NFATC3: variants seen among roughly 807,000 people sequenced by gnomAD.
NFATC3 encodes the protein nuclear factor of activated T cells 3.
NFATC3 carries 46 observed loss-of-function variants against 98.6 expected under a neutral mutation model. That is an observed-to-expected ratio of 0.47 (90% confidence interval 0.37 to 0.60). The LOEUF is 0.60. Ranked by LOEUF, NFATC3 falls within the 20% of genes least tolerant of loss-of-function variation. The pLI is 0.00. For missense variants in NFATC3, 1,256 were observed against 1,295.5 expected (o/e 0.97, Z 0.47); for synonymous variants, 512 against 472.2 (o/e 1.08, Z -1.09).
intron 6 of NFATC3, among the ~76,000 whole-genome samples, chr16:68,176,032 G>A (rs997886339): frequency 3.3e-5 from 5 of 151,674 alleles, no homozygotes; most frequent in African/African-American, 1.2e-4. Flanking sequence ...CGGCTGGAGT[G>A]CGGTGGCACT....
chr16:68,189,472 T>C (rs1598547208), intron 8 of NFATC3: 1 of 188,144 alleles, frequency 5.3e-6, no homozygotes, highest in East Asian at 1.2e-4. Flanking sequence ...CCATGTGTAT[T>C]TTAGAATGAG....
intron 8 of NFATC3, chr16:68,189,360 T>G (rs2040342784): frequency 4.7e-6 from 1 of 213,600 alleles, no homozygotes; most frequent in Non-Finnish European, 9.9e-6. Flanking sequence ...AATCAATGCC[T>G]TATTTATTCC....
intron 4 of NFATC3, 136 bp from the exon 5 acceptor site, chr16:68,166,707 C>T: frequency 1.5e-6 from 1 of 652,002 alleles, no homozygotes; most frequent in Non-Finnish European, 2.5e-6. Context: ...CAGTGAATAG[C>T]AATCATACAT....
At chr16:68,093,519 G>C (rs1024689707) in intron 1 of NFATC3, among the ~76,000 whole-genome samples, 5 of 152,080 alleles carry the variant, frequency 3.3e-5, no homozygotes, top group Non-Finnish European at 5.9e-5. Context: ...TTAAAAACAA[G>C]AACAACAACA....
At chr16:68,157,544 C>G (rs2038683155) in intron 3 of NFATC3, among the ~76,000 whole-genome samples, 1 of 151,950 alleles carries the variant, frequency 6.6e-6, no homozygotes, top group African/African-American at 2.4e-5. Context: ...TTAATGTTGC[C>G]CAGAGTACAG....
At position 68,107,918 on chromosome 16, in the gene NFATC3, A is replaced by AT. The variant is rs775874851; in HGVS notation, c.104-14055dup. ...TGCCTACTTTTTAATGGGGTGGTTT[A>AT]TTTTTTTTTTTTTTGTAAATTTATT... On this transcript the variant is annotated intron_variant, in intron 1 of 9. Coordinates refer to ENST00000346183, the MANE Select transcript of NFATC3 (RefSeq NM_173165.3). Among the ~76,000 whole-genome samples the AT allele has an allele frequency of 4.7e-3, 607 of 128,780 alleles. 5 individuals are homozygous for AT. The highest frequency in any genetic ancestry group is 0.017 in the South Asian group (69 of 4,078). The allele number at this position is 128,780 out of a possible 152,430, so 84.5% of individuals were successfully genotyped here.
At chr16:68,132,087 C>T (rs2037142290) in intron 3 of NFATC3, among the ~76,000 whole-genome samples, 1 of 152,082 alleles carries the variant, frequency 6.6e-6, no homozygotes, top group African/African-American at 2.4e-5. Flanking sequence ...TTATTTTTCT[C>T]TCAATATTAG....
chr16:68,187,828 G>A (rs985616121), intron 8 of NFATC3, among the ~76,000 whole-genome samples: 2 of 152,166 alleles, frequency 1.3e-5, no homozygotes, highest in African/African-American at 4.8e-5. Flanking sequence ...TTCGCACTCT[G>A]GTCTGTGGGA....
At chr16:68,101,616 T>A (rs1433165756) in intron 1 of NFATC3, among the ~76,000 whole-genome samples, 3 of 152,034 alleles carry the variant, frequency 2.0e-5, no homozygotes, top group Non-Finnish European at 4.4e-5. Context: ...CCCAAGTAGC[T>A]GGGACTACAG....
chr16:68,108,516 C>G (rs2035785351), intron 1 of NFATC3, among the ~76,000 whole-genome samples: 2 of 152,142 alleles, frequency 1.3e-5, no homozygotes, highest in African/African-American at 4.8e-5. Context: ...AACGTGATGC[C>G]TCTAGCTGTG....
intron 3 of NFATC3, among the ~76,000 whole-genome samples, chr16:68,145,332 G>A (rs958567244): frequency 2.6e-5 from 4 of 151,812 alleles, no homozygotes; most frequent in African/African-American, 9.7e-5. Context: ...TTGTAGAGAT[G>A]GGGTTTCACC....
chr16:68,126,886 G>A lies in NFATC3; in HGVS notation c.1401+276G>A, dbSNP rs925337096. 2.0e-5 allele frequency among the ~76,000 whole-genome samples: 3 copies of A among 152,108 alleles called. No individual in the cohort carries two copies. The South Asian group carries it at 6.2e-4, about 32-fold the overall frequency. ...GTTTTTCTGACAAACAAATATGGCC[G>A]TATTATATTTATGAATAAAATATAT... is the stretch of plus-strand genomic sequence containing the variant. On this transcript the variant is annotated intron_variant, in intron 3 of 9. Coordinates refer to ENST00000346183, the MANE Select transcript of NFATC3 (RefSeq NM_173165.3).
At chr16:68,094,845 C>T (rs988872242) in intron 1 of NFATC3, among the ~76,000 whole-genome samples, 14 of 152,258 alleles carry the variant, frequency 9.2e-5, no homozygotes, top group African/African-American at 2.6e-4. Flanking sequence ...GAATGAGACA[C>T]GGATGCTGGC....
chr16:68,128,810 T>C (rs998939744), intron 3 of NFATC3, among the ~76,000 whole-genome samples: 9 of 150,054 alleles, frequency 6.0e-5, no homozygotes, highest in Admixed American at 3.3e-4. Context: ...GGGCAACATG[T>C]CTCTTTAAAA....
At chr16:68,196,265 G>A (rs1347197793) in intron 9 of NFATC3, among the ~76,000 whole-genome samples, 2 of 151,896 alleles carry the variant, frequency 1.3e-5, no homozygotes, top group African/African-American at 2.4e-5. Flanking sequence ...GACTACAGGC[G>A]TGTACCACCA....
chr16:68,185,087 A>C lies in NFATC3; in HGVS notation c.2098+1721A>C, dbSNP rs1486503580. Among the ~76,000 whole-genome samples, 3 of 151,456 alleles carry C rather than the reference A, an allele frequency of 2.0e-5. No homozygotes were observed. The East Asian group carries it at 5.9e-4, about 30-fold the overall frequency. Reference sequence around the variant, plus strand: ...ACCTCCGCCTCCAGGGTTCAAGTTCATATGATTTTCCTGCCTCAGCCTCCC... The same window carrying C: ...ACCTCCGCCTCCAGGGTTCAAGTTCCTATGATTTTCCTGCCTCAGCCTCCC... On this transcript the variant is annotated intron_variant, in intron 8 of 9. Transcript: ENST00000346183.
At chr16:68,225,758 C>G (rs1291697516) in intron 9 of NFATC3, 1 of 152,164 alleles carries the variant, frequency 6.6e-6, no homozygotes, top group African/African-American at 2.4e-5. Flanking sequence ...TTGGGATGTT[C>G]CCTTCTATGT....
chr16:68,109,783 T>G (rs990781279), intron 1 of NFATC3, among the ~76,000 whole-genome samples: 3 of 152,172 alleles, frequency 2.0e-5, no homozygotes, highest in Non-Finnish European at 2.9e-5. Context: ...GTATTCAGCT[T>G]CTTTCTGGTT....
At chr16:68,138,281 G>A (rs919197319) in intron 3 of NFATC3, among the ~76,000 whole-genome samples, 1 of 149,236 alleles carries the variant, frequency 6.7e-6, no homozygotes, top group African/African-American at 2.5e-5. Flanking sequence ...CTCAAGTAAT[G>A]CACCACCTCA....
Sources: gnomAD v4.1 joint callset for allele counts (sites outside exome capture counted in the v4.1 genomes callset) on GRCh38, gnomAD v4.1.1 for gene constraint, MANE v1.5 for transcripts, NCBI Gene and HGNC (gene_info 2026-07-23, HGNC 2026-07-21) for gene names.